The following HIVEP3 variants were observed in gnomAD, a reference collection of about 807,000 sequenced individuals.
HIVEP3 encodes HIVEP zinc finger 3.
In HIVEP3, 49 loss-of-function variants were observed where a neutral mutation model predicts 152.8. That is an observed-to-expected ratio of 0.32 (90% CI 0.26 to 0.41). The LOEUF is 0.41. HIVEP3 is among the 10% of genes least tolerant of loss of function. The pLI, the probability that HIVEP3 is intolerant of heterozygous loss-of-function variation, is 1.00. For missense variants in HIVEP3, 2,790 were observed against 3,103.3 expected (o/e 0.90, Z 2.40); for synonymous variants, 1,269 against 1,289.0 (o/e 0.98, Z 0.33).
At chr1:41,980,726 G>T (rs1645289280) in intron 1 of HIVEP3, among the ~76,000 whole-genome samples, 1 of 152,220 alleles carries the variant, frequency 6.6e-6, no homozygotes, top group South Asian at 2.1e-4. Flanking sequence ...TGGGGAAAGG[G>T]TGTGAATGGA....
chr1:41,555,108 C>G (rs1254979210), intron 5 of HIVEP3, among the ~76,000 whole-genome samples: 1 of 152,236 alleles, frequency 6.6e-6, no homozygotes, highest in East Asian at 1.9e-4. Flanking sequence ...GAGGTGGAAT[C>G]TACAGAGGCA....
rs11307649 is a variant in HIVEP3 at position 41,811,097 on chromosome 1, ATT to A, written c.-801+107314_-801+107315del. ...TTGGCCTGAGTCCTCCAATGACCAG[ATT>A]TTTTTTTTTTTTGTACCTAATGCAG... On this transcript the variant is annotated intron_variant, in intron 1 of 8. Transcript: ENST00000372583. Among the ~76,000 whole-genome samples, 514 of 145,052 alleles carry A rather than the reference ATT, an allele frequency of 3.5e-3. 2 individuals carry two copies. The highest frequency in any genetic ancestry group is 0.011 in the African/African-American group (435 of 39,384).
At position 41,668,342 on chromosome 1, in the gene HIVEP3, G is replaced by A. The variant is rs112648516; in HGVS notation, c.-721+32574C>T. 2.4e-3 allele frequency among the ~76,000 whole-genome samples: 373 copies of A among 152,344 alleles called. 5 individuals carry two copies. In the South Asian group the frequency reaches 0.029, roughly 12 times the overall value. Reference sequence around the variant, plus strand: ...CGAGAGAGATGAATACGGGAGGGGTGAGGCCTGGTGCAAAGGCTACTTTCA... The same window carrying A: ...CGAGAGAGATGAATACGGGAGGGGTAAGGCCTGGTGCAAAGGCTACTTTCA... On this transcript the variant is annotated intron_variant, in intron 2 of 8. Transcript: ENST00000372583.
At chr1:41,883,302 A>G (rs1389634302) in intron 1 of HIVEP3, among the ~76,000 whole-genome samples, 1 of 152,072 alleles carries the variant, frequency 6.6e-6, no homozygotes, top group Non-Finnish European at 1.5e-5. Flanking sequence ...TGTGCCTTGC[A>G]GTGAGAGAGC....
intron 5 of HIVEP3, among the ~76,000 whole-genome samples, chr1:41,529,210 TCA>T (rs1365124021): frequency 3.5e-5 from 2 of 56,934 alleles, no homozygotes; most frequent in African/African-American, 1.5e-4. Context: ...ACCCATACAC[TCA>T]CACCCTCACC....
chr1:41,763,881 A>C lies in HIVEP3; in HGVS notation c.-800-62886T>G, dbSNP rs570780777. Among the ~76,000 whole-genome samples the C allele has an allele frequency of 2.6e-5, 4 of 152,364 alleles. No homozygotes were observed. In the South Asian group the frequency reaches 8.3e-4, roughly 32 times the overall value. On this transcript the variant is annotated intron_variant, in intron 1 of 8. Coordinates refer to ENST00000372583, the MANE Select transcript of HIVEP3 (RefSeq NM_024503.5). ...ATGTAATTGCTACTAACTAAAGTGC[A>C]GGAGAAGAATCAGTGAAGACTTCAT...
intron 1 of HIVEP3, among the ~76,000 whole-genome samples, chr1:41,703,888 C>T (rs548439053): frequency 2.0e-5 from 3 of 152,188 alleles, no homozygotes; most frequent in African/African-American, 7.2e-5. Context: ...GGAGGAGATT[C>T]GTGATTCCAG....
Position 41,582,886 on chromosome 1 carries a change from T to C in HIVEP3, c.1912A>G (p.Thr638Ala), listed in dbSNP as rs371718327. The C allele has an allele frequency of 5.0e-6, 8 of 1,614,028 alleles. No individual in the cohort carries two copies. Among genetic ancestry groups the C allele is most frequent in the Middle Eastern group, 3.3e-4 (2 of 6,084 alleles). Residue 638 changes from threonine to alanine, a missense_variant, in exon 4 of 9, where the codon ACA becomes GCA. Around this residue, in one of 9 missense-constraint regions of HIVEP3, gnomAD observed 339 missense variants for 327.0 expected, o/e 1.04. Coordinates refer to ENST00000372583, the MANE Select transcript of HIVEP3 (RefSeq NM_024503.5). This position sits in a 1 kb window ranked among gnomAD's most constrained non-coding sequence, Gnocchi z 4.7. ...LTKKTKKGLK[T>A]KGVIYECNIC... ...TTACATTCGTAGATCACCCCTTTTG[T>C]TTTCAAACCCTTCTTGGTCTTTTTG...
chr1:41,984,701 T>A (rs1426423894), intron 1 of HIVEP3, among the ~76,000 whole-genome samples: 1 of 152,090 alleles, frequency 6.6e-6, no homozygotes, highest in African/African-American at 2.4e-5. Flanking sequence ...AAAGATCTGA[T>A]TTTGCTAATG....
At chr1:41,994,265 CAAA>C (rs542518404) in intron 1 of HIVEP3, among the ~76,000 whole-genome samples, 1 of 71,060 alleles carries the variant, frequency 1.4e-5, no homozygotes, top group Admixed American at 1.6e-4. Flanking sequence ...ATAGACTTAG[CAAA>C]AAAAAAAAAA....
intron 1 of HIVEP3, among the ~76,000 whole-genome samples, chr1:41,756,856 C>G (rs1647331336): frequency 6.6e-6 from 1 of 152,160 alleles, no homozygotes; most frequent in Non-Finnish European, 1.5e-5. Context: ...TAGTGCCTGA[C>G]AGAAAGTAGG....
chr1:42,010,213 T>C (rs1645485169), intron 1 of HIVEP3, among the ~76,000 whole-genome samples: 1 of 152,222 alleles, frequency 6.6e-6, no homozygotes, highest in Non-Finnish European at 1.5e-5. Flanking sequence ...ATGTTTTTCA[T>C]AGCAGTGAGT....
intron 1 of HIVEP3, among the ~76,000 whole-genome samples, chr1:41,859,116 G>C (rs547271675): frequency 6.6e-5 from 10 of 152,322 alleles, no homozygotes; most frequent in African/African-American, 2.4e-4. Context: ...ATCAACATCA[G>C]TTAGAAGAAT....
Position 41,512,990 on chromosome 1 carries a change from G to T in HIVEP3, c.6231C>A (p.Ala2077=), listed in dbSNP as rs747687098. 3.1e-6 allele frequency: 5 copies of T among 1,613,342 alleles called. No individual in the cohort carries two copies. Among genetic ancestry groups the T allele is most frequent in the Non-Finnish European group, 4.2e-6 (5 of 1,179,734 alleles). ...SPTRRWSPGQ[A]ESPPRSAPPG... ...GCGGCGCTGACCGTGGTGGTGACTC[G>T]GCCTGACCTGGAGACCATCTCCTGG... Residue 2077 remains alanine, a synonymous_variant, in exon 8 of 9, where the codon GCC becomes GCA. Transcript: ENST00000372583.
At chr1:41,851,582 T>G (rs1169142415) in intron 1 of HIVEP3, among the ~76,000 whole-genome samples, 1 of 152,150 alleles carries the variant, frequency 6.6e-6, no homozygotes, top group Non-Finnish European at 1.5e-5. Flanking sequence ...ATTACAGGCG[T>G]GAACCATCAT....
chr1:41,869,914 G>C (rs1644048878), intron 1 of HIVEP3, among the ~76,000 whole-genome samples: 1 of 152,056 alleles, frequency 6.6e-6, no homozygotes, highest in Non-Finnish European at 1.5e-5. Context: ...AAACATATTG[G>C]CCCCTGACAT....
chr1:41,840,220 G>A (rs1643247388), intron 1 of HIVEP3, among the ~76,000 whole-genome samples: 1 of 152,156 alleles, frequency 6.6e-6, no homozygotes, highest in Non-Finnish European at 1.5e-5. Context: ...CTCAAAATGT[G>A]ACCTTATTTG....
chr1:41,670,821 C>T (rs1320421989), intron 2 of HIVEP3, among the ~76,000 whole-genome samples: 3 of 152,238 alleles, frequency 2.0e-5, no homozygotes, highest in East Asian at 3.9e-4. Flanking sequence ...GTGCAAAGGC[C>T]CTGCGTCGGG....
intron 1 of HIVEP3, among the ~76,000 whole-genome samples, chr1:41,973,713 G>C (rs753630354): frequency 5.9e-5 from 9 of 152,166 alleles, no homozygotes; most frequent in Non-Finnish European, 1.2e-4. Flanking sequence ...GGAGTCAGAG[G>C]TCACTGGGGA....
Sources: allele counts gnomAD v4.1 joint callset (sites outside exome capture counted in the v4.1 genomes callset), GRCh38; gene constraint gnomAD v4.1.1; regional missense constraint gnomAD v4.1.1; non-coding constraint Gnocchi (gnomAD v3.1); transcripts MANE v1.5; gene names NCBI Gene and HGNC (gene_info 2026-07-23, HGNC 2026-07-21).